FRAS1: variants seen among roughly 807,000 people sequenced by gnomAD.
FRAS1 encodes Fraser extracellular matrix complex subunit 1.
FRAS1 carries 290 observed loss-of-function variants against 435.2 expected under a neutral mutation model. That is an observed-to-expected ratio of 0.67 (90% confidence interval 0.61 to 0.73). The LOEUF (loss-of-function observed/expected upper bound fraction) is 0.73, where lower values mean the gene tolerates loss of function less well. Ranked by LOEUF, FRAS1 falls within the 30% of genes least tolerant of loss-of-function variation. The pLI is 0.00. For synonymous variants in FRAS1, 1,800 were observed against 1,851.0 expected, an observed-to-expected ratio of 0.97 and a Z score of 0.71; for missense variants, 4,860 against 5,001.5, an observed-to-expected ratio of 0.97 and a Z score of 0.85.
At chr4:78,286,148 G>T in intron 13 of FRAS1, 4 of 584,528 alleles carry the variant, frequency 6.8e-6, no homozygotes, top group South Asian at 6.2e-5. Flanking sequence ...TTCCTCATCT[G>T]TAAAGTTGGG....
chr4:78,122,414 G>A (rs1011838075), intron 2 of FRAS1, among the ~76,000 whole-genome samples: 61 of 152,078 alleles, frequency 4.0e-4, no homozygotes, highest in African/African-American at 1.5e-3. Context: ...CTTTGCTGTT[G>A]TGAATAGTGC....
At chr4:78,140,927 A>T (rs1327298762) in intron 2 of FRAS1, among the ~76,000 whole-genome samples, 1 of 152,168 alleles carries the variant, frequency 6.6e-6, no homozygotes, top group African/African-American at 2.4e-5. Context: ...GAGAGAGGAA[A>T]TGGCTTTTAG....
chr4:78,371,121 A>G (rs1196456937), intron 23 of FRAS1, among the ~76,000 whole-genome samples: 1 of 135,636 alleles, frequency 7.4e-6, no homozygotes, highest in East Asian at 2.2e-4. Context: ...TCTAACCAGT[A>G]GCTGTCAGTT....
intron 69 of FRAS1, among the ~76,000 whole-genome samples, chr4:78,523,701 T>A (rs1047390343): frequency 6.6e-6 from 1 of 152,222 alleles, no homozygotes; most frequent in African/African-American, 2.4e-5. Context: ...TGTATAGTGA[T>A]TCCTTTGAAA....
chr4:78,065,797 G>A (rs1740003663), intron 1 of FRAS1, among the ~76,000 whole-genome samples, 188 bp from the exon 2 acceptor site: 1 of 152,186 alleles, frequency 6.6e-6, no homozygotes, highest in African/African-American at 2.4e-5. Flanking sequence ...GTGTGTCCAA[G>A]GAATGTTGTT....
intron 31 of FRAS1, among the ~76,000 whole-genome samples, chr4:78,408,748 A>G (rs1269689062): frequency 6.6e-6 from 1 of 152,266 alleles, no homozygotes; most frequent in Non-Finnish European, 1.5e-5. Context: ...GTAGCATTAT[A>G]TAAGGGTTTG....
At chr4:78,456,141 T>TTATTTTC (rs1719189197) in intron 47 of FRAS1, among the ~76,000 whole-genome samples, 1 of 106,648 alleles carries the variant, frequency 9.4e-6, no homozygotes, top group African/African-American at 5.7e-5. Context: ...CATGTCACTT[T>TTATTTTC]TTTTTTTTTT....
chr4:78,291,411 A>G (rs1309306919), intron 14 of FRAS1, among the ~76,000 whole-genome samples: 1 of 152,122 alleles, frequency 6.6e-6, no homozygotes, highest in Non-Finnish European at 1.5e-5. Context: ...ACTCACTCCT[A>G]TGAGGCAGAG....
intron 29 of FRAS1, among the ~76,000 whole-genome samples, chr4:78,395,117 A>T (rs1732605365): frequency 6.6e-6 from 1 of 151,976 alleles, no homozygotes; most frequent in Admixed American, 6.6e-5. Context: ...TACATATAAG[A>T]TCATGGTGTC....
At chr4:78,182,017 G>A in intron 2 of FRAS1, 3 of 1,535,036 alleles carry the variant, frequency 2.0e-6, no homozygotes, top group Non-Finnish European at 2.6e-6. Context: ...TGACCACACA[G>A]CCGAAGCCTT....
chr4:78,540,732 A>AT lies in FRAS1; in HGVS notation c.11648dup (p.Met3883IlefsTer86). On this transcript the variant is annotated frameshift_variant, in exon 74 of 74. Transcript: ENST00000512123. LOFTEE classifies it high-confidence loss of function. The stretch of plus-strand genomic sequence containing the variant: ...AGACCAAGTCAAGAATGGCACCAAT[A>AT]TGAAGTCCCTGAATCTGGAGATGCA... 1 of 1,613,808 alleles carries AT rather than the reference A, an allele frequency of 6.2e-7. No homozygotes were observed. The highest frequency in any genetic ancestry group is 8.5e-7 in the Non-Finnish European group (1 of 1,179,784).
chr4:78,232,554 G>A (rs952371560), intron 2 of FRAS1, among the ~76,000 whole-genome samples: 15 of 152,092 alleles, frequency 9.9e-5, no homozygotes, highest in African/African-American at 3.6e-4. Flanking sequence ...CAAAGTGCTG[G>A]GATTACAGGC....
At chr4:78,512,511 A>G (rs1721071955) in intron 64 of FRAS1, among the ~76,000 whole-genome samples, 2 of 116,924 alleles carry the variant, frequency 1.7e-5, no homozygotes, top group African/African-American at 6.7e-5. Context: ...TTAAACTGGT[A>G]CAATGACAAA....
chr4:78,191,187 C>A (rs1003276740), intron 2 of FRAS1, among the ~76,000 whole-genome samples: 3 of 152,188 alleles, frequency 2.0e-5, no homozygotes, highest in African/African-American at 7.2e-5. Context: ...TGTTATAGCA[C>A]CCTCAGCAAA....
chr4:78,467,978 C>T (rs13146451), intron 50 of FRAS1, among the ~76,000 whole-genome samples: 49,655 of 152,004 alleles, frequency 0.33, 8,832 homozygotes, highest in Admixed American at 0.41. Flanking sequence ...TTATTAATCC[C>T]TTGTAGATGA....
intron 7 of FRAS1, 125 bp from the exon 8 acceptor site, chr4:78,266,709 A>C: frequency 1.4e-6 from 1 of 707,434 alleles, no homozygotes; most frequent in Admixed American, 2.3e-5. Flanking sequence ...TTCATTTCTC[A>C]AGAGTACATT....
chr4:78,411,617 G>A (rs1001749812), intron 31 of FRAS1, among the ~76,000 whole-genome samples: 1 of 152,060 alleles, frequency 6.6e-6, no homozygotes, highest in South Asian at 2.1e-4. Flanking sequence ...GTATATTCAG[G>A]TCACTTTGAC....
chr4:78,181,868 T>C, intron 2 of FRAS1: 1 of 1,611,946 alleles, frequency 6.2e-7, no homozygotes, highest in Non-Finnish European at 8.5e-7. Context: ...GGAGTTGGTC[T>C]GGGCCGCCGC....
At chr4:78,153,541 A>G (rs1490549962) in intron 2 of FRAS1, among the ~76,000 whole-genome samples, 1 of 152,170 alleles carries the variant, frequency 6.6e-6, no homozygotes, top group African/African-American at 2.4e-5. Context: ...TGACTGCTCA[A>G]CAAACCTCCA....
Sources: gnomAD v4.1 joint callset for allele counts (sites outside exome capture counted in the v4.1 genomes callset) on GRCh38, gnomAD v4.1.1 for gene constraint, MANE v1.5 for transcripts, NCBI Gene and HGNC (gene_info 2026-07-23, HGNC 2026-07-21) for gene names.